TJP1: variants seen among roughly 807,000 people sequenced by gnomAD.
TJP1 encodes tight junction protein ZO-1.
In TJP1, 43 loss-of-function variants were observed where a neutral mutation model predicts 194.2. The observed-to-expected ratio is 0.22, with a 90% CI of 0.17 to 0.29. TJP1 has a LOEUF of 0.29. Ranked by LOEUF, TJP1 falls within the 10% of genes least tolerant of loss-of-function variation. The probability of loss-of-function intolerance (pLI) is 1.00; values close to 1 mark genes in which losing one functional copy is unlikely to be tolerated. For synonymous variants in TJP1, 801 were observed against 779.0 expected (o/e 1.03, Z -0.47); for missense variants, 1,971 against 2,185.7 (o/e 0.90, Z 1.96).
At chr15:29,902,810 T>TGG (rs2053674157) in intron 2 of TJP1, among the ~76,000 whole-genome samples, 3 of 151,862 alleles carry the variant, frequency 2.0e-5, no homozygotes, top group African/African-American at 7.3e-5. Context: ...CCACGGCGGG[T>TGG]GGATCACGAG....
At chr15:29,741,659 G>GA (rs1294196274) in intron 9 of TJP1, among the ~76,000 whole-genome samples, 1 of 152,126 alleles carries the variant, frequency 6.6e-6, no homozygotes, top group African/African-American at 2.4e-5. Flanking sequence ...ATCAGAATTT[G>GA]AAAAATCTAT....
chr15:29,779,912 T>C (rs144155683), intron 2 of TJP1, among the ~76,000 whole-genome samples: 6 of 151,800 alleles, frequency 4.0e-5, no homozygotes, highest in Non-Finnish European at 5.9e-5. Flanking sequence ...CTATGGAGAC[T>C]TCCTTAGCAT....
chr15:29,776,831 A>G (rs1196635138), intron 2 of TJP1, among the ~76,000 whole-genome samples: 2 of 152,210 alleles, frequency 1.3e-5, no homozygotes, highest in Non-Finnish European at 2.9e-5. Context: ...GGTGGCAGAT[A>G]AAAATTTCTC....
chr15:29,711,901 G>A (rs2042267675), intron 23 of TJP1, among the ~76,000 whole-genome samples: 1 of 152,148 alleles, frequency 6.6e-6, no homozygotes, highest in African/African-American at 2.4e-5. Context: ...AAAAACTGGA[G>A]CTTTTACTTT....
chr15:29,709,544 A>G (rs990395975), intron 24 of TJP1, among the ~76,000 whole-genome samples: 2 of 152,208 alleles, frequency 1.3e-5, no homozygotes, highest in Non-Finnish European at 2.9e-5. Context: ...AGGACACTAC[A>G]AGACAGGAGA....
At chr15:29,848,594 G>A (rs2051511125) in intron 2 of TJP1, among the ~76,000 whole-genome samples, 1 of 152,296 alleles carries the variant, frequency 6.6e-6, no homozygotes, top group African/African-American at 2.4e-5. Context: ...GGGCATGGTG[G>A]CTCACGCCTG....
At chr15:29,902,094 A>G (rs2053652631) in intron 2 of TJP1, among the ~76,000 whole-genome samples, 1 of 152,334 alleles carries the variant, frequency 6.6e-6, no homozygotes, top group South Asian at 2.1e-4. Flanking sequence ...GGAAGAGGGG[A>G]AAAAATCCAG....
At chr15:29,824,180 C>G (rs967512025), upstream of TJP1, 3 of 139,908 alleles carry the variant, frequency 2.1e-5, no homozygotes, top group African/African-American at 7.9e-5. Flanking sequence ...CGCAGTGGCT[C>G]AAGCCTGTAA....
At chr15:29,821,932 G>A in intron 1 of TJP1, 70 bp downstream of exon 1, 2 of 1,187,144 alleles carry the variant, frequency 1.7e-6, no homozygotes, top group Non-Finnish European at 2.1e-6. Flanking sequence ...GGCGGGACGC[G>A]GGCCAGATGC....
intron 8 of TJP1, among the ~76,000 whole-genome samples, chr15:29,753,314 T>A (rs933567421): frequency 6.6e-6 from 1 of 151,362 alleles, no homozygotes; most frequent in Non-Finnish European, 1.5e-5. Flanking sequence ...AAACCCCGTC[T>A]CTACTAAAAA....
chr15:29,914,700 G>A (rs59052070), intron 2 of TJP1, among the ~76,000 whole-genome samples: 1,674 of 152,130 alleles, frequency 0.011, 36 homozygotes, highest in African/African-American at 0.039. Context: ...GAGTATCTGA[G>A]GCTTCCTAAA....
intron 2 of TJP1, among the ~76,000 whole-genome samples, chr15:29,835,299 C>T (rs952055903): frequency 5.3e-5 from 8 of 152,104 alleles, no homozygotes; most frequent in African/African-American, 1.4e-4. Context: ...ATTTCCATAA[C>T]GGAGTGCATA....
In TJP1 at chr15:29,708,748, G is replaced by A. The variant is rs746058276; in HGVS notation, c.4661C>T (p.Pro1554Leu). The A allele has an allele frequency of 6.2e-7, 1 of 1,614,214 alleles. No individual in the cohort carries two copies. Among genetic ancestry groups the A allele is most frequent in the Non-Finnish European group, 8.5e-7 (1 of 1,180,048 alleles). Residue 1554 changes from proline to leucine, a missense_variant, in exon 25 of 28, where the codon CCA becomes CTA. By Grantham distance (98) the Pro-to-Leu change is moderately conservative (BLOSUM62 -3). Transcript: ENST00000614355. ...GTCAGGTTTATGTGCAGTTTCACTT[G>A]GCAGAAGATTGTGATTGAATTTAGG... ...ESPKFNHNLL[P>L]SETAHKPDLS...
chr15:29,942,850 G>A (rs2055128973), intron 2 of TJP1, among the ~76,000 whole-genome samples: 1 of 152,194 alleles, frequency 6.6e-6, no homozygotes, highest in Non-Finnish European at 1.5e-5. Flanking sequence ...TTGTTCATAA[G>A]CACCTATAAG....
chr15:29,930,470 A>G (rs2054671067), intron 2 of TJP1, among the ~76,000 whole-genome samples: 1 of 152,248 alleles, frequency 6.6e-6, no homozygotes, highest in Non-Finnish European at 1.5e-5. Flanking sequence ...AGACTAAAGG[A>G]GAAAAACTGC....
chr15:29,781,453 C>A (rs1242715915), intron 2 of TJP1, among the ~76,000 whole-genome samples: 12 of 152,124 alleles, frequency 7.9e-5, no homozygotes, highest in African/African-American at 2.9e-4. Context: ...AGGAACAATA[C>A]CCCAACTCAT....
intron 2 of TJP1, among the ~76,000 whole-genome samples, 193 bp from the exon 3 acceptor site, chr15:29,773,550 A>T (rs1198730747): frequency 6.6e-6 from 1 of 152,258 alleles, no homozygotes; most frequent in African/African-American, 2.4e-5. Context: ...ACTACTGGAC[A>T]TAACAGAATA....
At chr15:29,773,770 A>G (rs1165048875) in intron 2 of TJP1, among the ~76,000 whole-genome samples, 1 of 152,210 alleles carries the variant, frequency 6.6e-6, no homozygotes, top group Non-Finnish European at 1.5e-5. Flanking sequence ...ATAAATATCA[A>G]TTGCTTTGAA....
chr15:29,950,173 T>TACCTCC (rs1332043956), intron 2 of TJP1, among the ~76,000 whole-genome samples: 1 of 16,746 alleles, frequency 6.0e-5, no homozygotes, highest in Non-Finnish European at 1.4e-4. Context: ...CCACAACCAC[T>TACCTCC]ACCTCCACCT....
Sources: gnomAD v4.1 joint callset for allele counts (sites outside exome capture counted in the v4.1 genomes callset) on GRCh38, gnomAD v4.1.1 for gene constraint, MANE v1.5 for transcripts, NCBI Gene and HGNC (gene_info 2026-07-23, HGNC 2026-07-21) for gene names.